Variants in ANKMY1 observed in about 807,000 individuals in gnomAD.
ANKMY1 encodes the protein ankyrin repeat and MYND domain-containing protein 1.
Under a neutral mutation model 102.0 loss-of-function variants are expected in ANKMY1, and 98 were observed. The ratio of observed to expected loss-of-function variants is 0.96; its 90% CI spans 0.82 to 1.14. The LOEUF (loss-of-function observed/expected upper bound fraction) is 1.14, where lower values mean the gene tolerates loss of function less well. ANKMY1 is among the 50% of genes most tolerant of loss of function. The pLI is 0.00. For missense variants in ANKMY1, 1,330 were observed against 1,347.6 expected, an observed-to-expected ratio of 0.99 and a Z score of 0.20; for synonymous variants, 582 against 559.9, an observed-to-expected ratio of 1.04 and a Z score of -0.56.
At chr2:240,491,631 G>T (rs1329202329) in intron 15 of ANKMY1, among the ~76,000 whole-genome samples, 2 of 152,116 alleles carry the variant, frequency 1.3e-5, no homozygotes, top group East Asian at 3.8e-4. Flanking sequence ...CCATTTGTTT[G>T]TCCGGGGTGA....
chr2:240,525,644 C>T, intron 7 of ANKMY1, 41 bp downstream of exon 7: 2 of 1,600,746 alleles, frequency 1.2e-6, no homozygotes, highest in Non-Finnish European at 1.7e-6. Flanking sequence ...GAGAAGACTA[C>T]AGGAGACAGT....
intron 12 of ANKMY1, among the ~76,000 whole-genome samples, chr2:240,508,452 T>C (rs546116799): frequency 6.6e-6 from 1 of 152,358 alleles, no homozygotes; most frequent in South Asian, 2.1e-4. Context: ...CTTTCACAAA[T>C]TCTATGAATG....
intron 1 of ANKMY1, 108 bp downstream of exon 1, chr2:240,557,773 T>A: frequency 6.7e-5 from 40 of 595,228 alleles, no homozygotes; most frequent in South Asian, 1.5e-4. Flanking sequence ...CCTCGGCCCC[T>A]CCCTGGGGTG....
rs202204091 is a variant in ANKMY1, at chr2:240,524,188, C to A, written c.1529G>T (p.Gly510Val). 2.5e-6 allele frequency: 4 copies of A among 1,613,924 alleles called. No individual in the cohort carries two copies. The highest frequency in any genetic ancestry group is 1.1e-5 in the South Asian group (1 of 91,080). Reference sequence around the variant, plus strand: ...GCTGCTCCTGTGGTCTATGGACCCCCCACACTGCCCGGTGTCCTGGAAGTG... The same window carrying A: ...GCTGCTCCTGTGGTCTATGGACCCCACACACTGCCCGGTGTCCTGGAAGTG... ...GGHFQDTGQC[G>V]GSIDHRSSSL... Residue 510 changes from glycine to valine, a missense_variant, in exon 8 of 18, where the codon GGG becomes GTG. By Grantham distance (109) the Gly-to-Val change is moderately radical. Coordinates refer to ENST00000401804, the MANE Select transcript of ANKMY1 (RefSeq NM_001282771.3).
chr2:240,557,182 C>T lies in ANKMY1; in HGVS notation c.146+8G>A, dbSNP rs1299595399. The T allele has an allele frequency of 5.3e-6, 8 of 1,512,462 alleles. No homozygotes were observed. The African/African-American group carries it at 9.8e-5, about 19-fold the overall frequency. 93.7% of individuals were successfully genotyped at this position (1,512,462 alleles called of 1,614,324 possible). ...GGTCGGACCTCCCCGCTGGAGGGTCCCCCGCACCTTGTGGCGAAGACAGCG... is the reference window on the plus strand; with the variant it reads ...GGTCGGACCTCCCCGCTGGAGGGTCTCCCGCACCTTGTGGCGAAGACAGCG... On this transcript the variant is annotated splice_region_variant and intron_variant, in intron 2 of 17. Transcript: ENST00000401804.
intron 11 of ANKMY1, 37 bp downstream of exon 11, chr2:240,511,824 C>T: frequency 6.5e-7 from 1 of 1,547,032 alleles, no homozygotes; most frequent in Non-Finnish European, 8.6e-7. Flanking sequence ...CACCGCTGGG[C>T]AGCCCTGTGC....
intron 15 of ANKMY1, among the ~76,000 whole-genome samples, chr2:240,483,911 C>T (rs2075741808): frequency 6.6e-6 from 1 of 152,160 alleles, no homozygotes; most frequent in Non-Finnish European, 1.5e-5. Context: ...GTTCAACTCC[C>T]ACTTATGAGT....
chr2:240,521,531 GC>G (rs2082278152), intron 8 of ANKMY1, among the ~76,000 whole-genome samples: 1 of 106,322 alleles, frequency 9.4e-6, no homozygotes, highest in African/African-American at 3.8e-5. Flanking sequence ...AGACAGTCTC[GC>G]CCTGTCGCCC....
the ANKMY1 span, among the ~76,000 whole-genome samples, chr2:240,474,387 G>A: frequency 5.0e-4 from 76 of 151,086 alleles, 1 homozygote; most frequent in Admixed American, 4.8e-3. Context: ...GATTACAGGC[G>A]TGAGCCACCG....
At chr2:240,512,189 C>T (rs937999550) in intron 10 of ANKMY1, among the ~76,000 whole-genome samples, 188 bp from the exon 11 acceptor site, 1 of 152,260 alleles carries the variant, frequency 6.6e-6, no homozygotes, top group Non-Finnish European at 1.5e-5. Flanking sequence ...GACACCCCAA[C>T]ATCCACAGAG....
intron 15 of ANKMY1, among the ~76,000 whole-genome samples, chr2:240,492,271 C>T (rs2076741402): frequency 6.6e-6 from 1 of 152,212 alleles, no homozygotes; most frequent in African/African-American, 2.4e-5. Context: ...GTATTATAGG[C>T]ATAAGCTACC....
At chr2:240,524,431 C>T (rs2082950029) in intron 7 of ANKMY1, 50 bp from the exon 8 acceptor site, 1 of 1,546,826 alleles carries the variant, frequency 6.5e-7, no homozygotes, top group African/African-American at 1.4e-5. Flanking sequence ...GAGTGATAAC[C>T]TCATTCTAGG....
At chr2:240,514,593 A>G (rs1390029766) in intron 9 of ANKMY1, among the ~76,000 whole-genome samples, 1 of 152,250 alleles carries the variant, frequency 6.6e-6, no homozygotes, top group Non-Finnish European at 1.5e-5. Flanking sequence ...ATTTTCAGTA[A>G]CATGAGGGCT....
At chr2:240,554,844 G>A in intron 3 of ANKMY1, 22 bp downstream of exon 3, 2 of 1,613,366 alleles carry the variant, frequency 1.2e-6, no homozygotes, top group Non-Finnish European at 8.5e-7. Flanking sequence ...GGAGGAGGCG[G>A]AGAAAGTGTG....
At chr2:240,479,317 C>T, downstream of ANKMY1, 2 of 495,208 alleles carry the variant, frequency 4.0e-6, no homozygotes, top group South Asian at 5.4e-5. Context: ...TGGCCCAGGC[C>T]ATGCCCCATG....
At chr2:240,474,797 C>T (rs1309363728), downstream of ANKMY1, among the ~76,000 whole-genome samples, 1 of 152,134 alleles carries the variant, frequency 6.6e-6, no homozygotes, top group Non-Finnish European at 1.5e-5. Context: ...GTATATGTAC[C>T]ACATTTTCTT....
At chr2:240,537,311 GCCTATTGTCTTCA>G (rs1481839851) in intron 4 of ANKMY1, among the ~76,000 whole-genome samples, 4 of 151,940 alleles carry the variant, frequency 2.6e-5, no homozygotes, top group East Asian at 1.9e-4. Context: ...TGTGACCCTC[GCCTATTGTCTTCA>G]TGTTCGTAGG....
At chr2:240,521,491 C>CTTTTTTTTTTTTTT (rs1162330484) in intron 8 of ANKMY1, among the ~76,000 whole-genome samples, 2 of 69,592 alleles carry the variant, frequency 2.9e-5, no homozygotes, top group African/African-American at 6.0e-5. Context: ...GGTGTTACAG[C>CTTTTTTTTTTTTTT]TTTTTTTTTT....
intron 15 of ANKMY1, among the ~76,000 whole-genome samples, chr2:240,498,308 C>CA (rs2077550366): frequency 6.9e-6 from 1 of 144,600 alleles, no homozygotes; most frequent in Admixed American, 6.9e-5. Context: ...GGGGTTTATG[C>CA]ATGGGTGGGC....
Sources: gnomAD v4.1 joint callset for allele counts (sites outside exome capture counted in the v4.1 genomes callset) on GRCh38, gnomAD v4.1.1 for gene constraint, MANE v1.5 for transcripts, NCBI Gene and HGNC (gene_info 2026-07-23, HGNC 2026-07-21) for gene names.